BRD1: variants seen among roughly 807,000 people sequenced by gnomAD.
BRD1 encodes the protein bromodomain containing 1.
BRD1 carries 24 observed loss-of-function variants against 107.7 expected under a neutral mutation model. The observed-to-expected ratio is 0.22, with a 90% confidence interval of 0.16 to 0.31. BRD1 has a LOEUF of 0.31. BRD1 is among the 10% of genes least tolerant of loss of function. The pLI is 1.00. For synonymous variants in BRD1, 744 were observed against 686.1 expected (o/e 1.08, Z -1.32); for missense variants, 1,279 against 1,638.6 (o/e 0.78, Z 3.79).
At chr22:49,808,823 C>T (rs1174645483) in intron 2 of BRD1, among the ~76,000 whole-genome samples, 1 of 152,146 alleles carries the variant, frequency 6.6e-6, no homozygotes, top group Non-Finnish European at 1.5e-5. Context: ...GTCAATACAT[C>T]AGAAGAAAAA....
At chr22:49,820,655 C>A (rs751504368) in intron 2 of BRD1, among the ~76,000 whole-genome samples, 3 of 152,228 alleles carry the variant, frequency 2.0e-5, no homozygotes, top group Non-Finnish European at 4.4e-5. Context: ...ACACAGAATT[C>A]AAATGCACAG....
Position 49,796,658 on chromosome 22 carries a change from C to G in BRD1, c.2098+1147G>C, listed in dbSNP as rs1027225139. Among the ~76,000 whole-genome samples the G allele has an allele frequency of 7.9e-5, 12 of 152,340 alleles. 1 individual carries two copies. The highest frequency in any genetic ancestry group is 2.0e-4 in the Admixed American group (3 of 15,302). Reference sequence around the variant, plus strand: ...CAGGCATGAGCCACAGAACCTGGCCCTATCCCCAGTCTTTAAAAGAGTACA... The same window carrying G: ...CAGGCATGAGCCACAGAACCTGGCCGTATCCCCAGTCTTTAAAAGAGTACA... On this transcript the variant is annotated intron_variant, in intron 6 of 12. Transcript: ENST00000404760.
At chr22:49,826,599 G>A (rs2060150688) in intron 1 of BRD1, among the ~76,000 whole-genome samples, 1 of 152,266 alleles carries the variant, frequency 6.6e-6, no homozygotes, top group African/African-American at 2.4e-5. Context: ...CGCCCAGGGA[G>A]AAGCCGGCCA....
intron 7 of BRD1, among the ~76,000 whole-genome samples, chr22:49,788,816 T>C (rs2059377813): frequency 6.6e-6 from 1 of 152,226 alleles, no homozygotes; most frequent in African/African-American, 2.4e-5. Context: ...TGTGATTATT[T>C]AAAGTGACAT....
At chr22:49,813,514 A>G (rs1355378549) in intron 2 of BRD1, among the ~76,000 whole-genome samples, 6 of 148,564 alleles carry the variant, frequency 4.0e-5, no homozygotes, top group Non-Finnish European at 8.9e-5. Flanking sequence ...GAGCCACCAC[A>G]CCCAGCCTTT....
At chr22:49,804,157 T>C (rs747339746) in intron 3 of BRD1, 47 bp downstream of exon 3, 1 of 1,484,886 alleles carries the variant, frequency 6.7e-7, no homozygotes, top group South Asian at 1.4e-5. Flanking sequence ...CCCTGGAGGG[T>C]GGGGGTGAGA....
At chr22:49,810,746 C>G (rs934670002) in intron 2 of BRD1, among the ~76,000 whole-genome samples, 2 of 152,176 alleles carry the variant, frequency 1.3e-5, no homozygotes, top group Non-Finnish European at 2.9e-5. Context: ...GCAAAACCCC[C>G]GAGCGATCGC....
Position 49,823,967 on chromosome 22 carries a change from G to C in BRD1, c.351C>G (p.Leu117=). The change falls in exon 2 of 13, where the codon CTC becomes CTG. Residue 117 remains leucine, a synonymous_variant. Coordinates refer to ENST00000404760, the MANE Select transcript of BRD1 (RefSeq NM_001304808.3). ...CCACGATGCGCACCTTGGGCTCCGG[G>C]AGGGCACTGGCCGAGGCCGGCGTGC... ...AHGTPASASA[L]PEPKVRIVEY... is the part of the protein sequence containing the mutation. 6.2e-7 allele frequency: 1 copy of C among 1,614,070 alleles called. No homozygotes were observed.
chr22:49,785,621 G>T (rs1435857583), intron 8 of BRD1, among the ~76,000 whole-genome samples: 3 of 152,210 alleles, frequency 2.0e-5, no homozygotes, highest in African/African-American at 7.2e-5. Context: ...ATTCTTATTG[G>T]TATCTTGTGA....
intron 7 of BRD1, among the ~76,000 whole-genome samples, chr22:49,790,362 T>G (rs2059411428): frequency 6.6e-6 from 1 of 152,222 alleles, no homozygotes; most frequent in Non-Finnish European, 1.5e-5. Flanking sequence ...CAAAGCTCAC[T>G]GACTCTGGGC....
At chr22:49,780,512 C>A (rs1174756571) in intron 8 of BRD1, among the ~76,000 whole-genome samples, 1 of 152,016 alleles carries the variant, frequency 6.6e-6, no homozygotes, top group African/African-American at 2.4e-5. Flanking sequence ...AACAGGCGGT[C>A]TGGGGGCTGC....
At chr22:49,822,884 G>A in intron 2 of BRD1, 67 bp downstream of exon 2, 1 of 1,558,196 alleles carries the variant, frequency 6.4e-7, no homozygotes, top group East Asian at 2.3e-5. Flanking sequence ...CCTGCAGGCT[G>A]TGCCCACGTC....
At position 49,824,386 on chromosome 22, in the gene BRD1, G is replaced by A. The variant is rs1240288702; in HGVS notation, c.-14-55C>T. 9.5e-6 allele frequency: 15 copies of A among 1,579,468 alleles called. No homozygotes were observed. Among genetic ancestry groups the A allele is most frequent in the Non-Finnish European group, 1.2e-5 (14 of 1,164,580 alleles). ...CTACGCAGGGTGACCAAAGACTCGA[G>A]AAAACCACAAAAGCATGCTTGGACA... On this transcript the variant is annotated intron_variant, in intron 1 of 12. Coordinates refer to ENST00000404760, the MANE Select transcript of BRD1 (RefSeq NM_001304808.3). The surrounding 1 kb of genome is among the most constrained non-coding windows in gnomAD (Gnocchi z 5.9).
At chr22:49,826,356 T>A in intron 1 of BRD1, 1 of 769,080 alleles carries the variant, frequency 1.3e-6, no homozygotes, top group Non-Finnish European at 1.6e-6. Context: ...CCGGGGAAAG[T>A]AGGCCCTCAG....
In BRD1 at chr22:49,797,905, G is replaced by A. The variant is rs1463692450; in HGVS notation, c.1998C>T (p.Ala666=). 2 of 1,614,070 alleles carry A rather than the reference G, an allele frequency of 1.2e-6. No homozygotes were observed. The highest frequency in any genetic ancestry group is 3.3e-5 in the Admixed American group (2 of 60,028). Residue 666 remains alanine, a synonymous_variant, in exon 6 of 13, where the codon GCC becomes GCT. Transcript: ENST00000404760. ...RDQGGVVLRQ[A]RREVDSIGLE... ...AGCCGATGCTGTCCACCTCGCGCCGGGCCTGCCTCAGAACAACACCTCCCT... is the reference window on the plus strand; with the variant it reads ...AGCCGATGCTGTCCACCTCGCGCCGAGCCTGCCTCAGAACAACACCTCCCT...
chr22:49,777,903 C>A lies in BRD1; in HGVS notation c.2858-90G>T, dbSNP rs554699323. Reference sequence around the variant, plus strand: ...GACGTTACACTTGGAACACATCTTACAAAGCACGTTTCACAGACAGGTAAG... The same window carrying A: ...GACGTTACACTTGGAACACATCTTAAAAAGCACGTTTCACAGACAGGTAAG... On this transcript the variant is annotated intron_variant, in intron 8 of 12. Coordinates refer to ENST00000404760, the MANE Select transcript of BRD1 (RefSeq NM_001304808.3). The A allele has an allele frequency of 5.5e-6, 8 of 1,462,858 alleles. No individual in the cohort carries two copies. In the South Asian group the frequency reaches 1.1e-4, roughly 20 times the overall value. 90.6% of individuals were successfully genotyped at this position (1,462,858 alleles called of 1,614,324 possible).
intron 2 of BRD1, among the ~76,000 whole-genome samples, chr22:49,809,955 G>A (rs934691033): frequency 6.6e-6 from 1 of 152,050 alleles, no homozygotes; most frequent in Non-Finnish European, 1.5e-5. Flanking sequence ...ATCAAAGAAA[G>A]AAAGAACACA....
At chr22:49,801,871 C>T (rs916940565) in intron 3 of BRD1, among the ~76,000 whole-genome samples, 1 of 152,222 alleles carries the variant, frequency 6.6e-6, no homozygotes, top group African/African-American at 2.4e-5. Flanking sequence ...CCTGGGTCCC[C>T]GTGGCCCCTG....
intron 1 of BRD1, among the ~76,000 whole-genome samples, chr22:49,825,211 G>A (rs2060133532): frequency 2.6e-5 from 4 of 152,052 alleles, no homozygotes; most frequent in South Asian, 4.1e-4. Context: ...CATGCATGAC[G>A]CCAAAGGGAA....
Sources: allele counts gnomAD v4.1 joint callset (sites outside exome capture counted in the v4.1 genomes callset), GRCh38; gene constraint gnomAD v4.1.1; non-coding constraint Gnocchi (gnomAD v3.1); transcripts MANE v1.5; gene names NCBI Gene and HGNC (gene_info 2026-07-23, HGNC 2026-07-21).